Variants in LRRC4C observed in about 807,000 individuals in gnomAD.
The protein encoded by LRRC4C is leucine-rich repeat-containing protein 4C.
Under a neutral mutation model 33.6 loss-of-function variants are expected in LRRC4C, and 5 were observed. That is an observed-to-expected ratio of 0.15 (90% CI 0.08 to 0.31). The LOEUF is 0.31. Ranked by LOEUF, LRRC4C falls within the 10% of genes least tolerant of loss-of-function variation. The pLI is 1.00. For missense variants in LRRC4C, 560 were observed against 796.7 expected (o/e 0.70, Z 3.58); for synonymous variants, 329 against 302.0 (o/e 1.09, Z -0.93).
At chr11:40,276,345 G>A (rs1000814344) in intron 4 of LRRC4C, among the ~76,000 whole-genome samples, 7 of 152,046 alleles carry the variant, frequency 4.6e-5, no homozygotes, top group East Asian at 1.9e-4. Context: ...GCAGTGGTTC[G>A]AATAATATAA....
At chr11:40,179,823 T>G (rs1042217467) in intron 5 of LRRC4C, among the ~76,000 whole-genome samples, 2 of 152,226 alleles carry the variant, frequency 1.3e-5, no homozygotes, top group African/African-American at 2.4e-5. Context: ...AGGAGCTGAA[T>G]GGAAAAGACT....
At chr11:41,180,653 C>G (rs1167017499) in intron 1 of LRRC4C, among the ~76,000 whole-genome samples, 1 of 152,072 alleles carries the variant, frequency 6.6e-6, no homozygotes, top group African/African-American at 2.4e-5. Flanking sequence ...AATGGCCACC[C>G]AATACTGATG....
intron 1 of LRRC4C, among the ~76,000 whole-genome samples, chr11:41,023,455 TA>T (rs1208733008): frequency 6.6e-6 from 1 of 151,752 alleles, no homozygotes; most frequent in African/African-American, 2.4e-5. Context: ...CTCTAAATTA[TA>T]AAAGTTGAAA....
At chr11:41,321,635 C>A (rs2044541) in intron 1 of LRRC4C, among the ~76,000 whole-genome samples, 2 of 151,812 alleles carry the variant, frequency 1.3e-5, no homozygotes, top group South Asian at 4.1e-4. Flanking sequence ...CATGTAGTCC[C>A]AGTAATGAGA....
At chr11:41,208,230 TG>T (rs537395989) in intron 1 of LRRC4C, among the ~76,000 whole-genome samples, 24 of 152,328 alleles carry the variant, frequency 1.6e-4, no homozygotes, top group African/African-American at 5.8e-4. Context: ...TCTAGTGTTT[TG>T]TGGAAGGTGG....
At chr11:41,139,605 A>G (rs1412524647) in intron 1 of LRRC4C, among the ~76,000 whole-genome samples, 1 of 152,222 alleles carries the variant, frequency 6.6e-6, no homozygotes, top group African/African-American at 2.4e-5. Flanking sequence ...AGCACCAAAA[A>G]GTCCATTAAA....
At chr11:40,601,580 C>G (rs1286296232) in intron 3 of LRRC4C, among the ~76,000 whole-genome samples, 1 of 152,176 alleles carries the variant, frequency 6.6e-6, no homozygotes, top group Admixed American at 6.5e-5. Context: ...AAAAATCACT[C>G]AGTTGCACAT....
intron 1 of LRRC4C, among the ~76,000 whole-genome samples, chr11:41,288,674 T>C (rs1949905529): frequency 6.6e-6 from 1 of 152,188 alleles, no homozygotes; most frequent in South Asian, 2.1e-4. Flanking sequence ...CAAATTTACA[T>C]GTCAGAAGTC....
intron 1 of LRRC4C, among the ~76,000 whole-genome samples, chr11:41,047,525 T>A: frequency 6.6e-6 from 1 of 152,038 alleles, no homozygotes; most frequent in Non-Finnish European, 1.5e-5. Flanking sequence ...CTAACAAACT[T>A]TACATATAAA....
At chr11:40,558,481 A>G (rs1957416151) in intron 3 of LRRC4C, among the ~76,000 whole-genome samples, 1 of 152,190 alleles carries the variant, frequency 6.6e-6, no homozygotes, top group Non-Finnish European at 1.5e-5. Context: ...TCTTAATCCC[A>G]GAAGAAAAAT....
chr11:40,356,549 T>C (rs1326331546), intron 3 of LRRC4C, among the ~76,000 whole-genome samples: 1 of 152,186 alleles, frequency 6.6e-6, no homozygotes, highest in East Asian at 1.9e-4. Context: ...CCACTCCTTA[T>C]TAGACAATAA....
intron 3 of LRRC4C, among the ~76,000 whole-genome samples, chr11:40,543,196 T>G (rs1956792600): frequency 1.3e-5 from 2 of 152,096 alleles, no homozygotes; most frequent in African/African-American, 4.8e-5. Context: ...CATTATTTTT[T>G]TTTTCCAGAA....
At chr11:41,289,715 G>T (rs1013561050) in intron 1 of LRRC4C, among the ~76,000 whole-genome samples, 2 of 152,114 alleles carry the variant, frequency 1.3e-5, no homozygotes, top group African/African-American at 4.8e-5. Flanking sequence ...ATACATGTTT[G>T]GTTTTTAAGC....
intron 2 of LRRC4C, among the ~76,000 whole-genome samples, chr11:40,684,251 C>T (rs1944846310): frequency 6.6e-6 from 1 of 151,528 alleles, no homozygotes; most frequent in Admixed American, 6.6e-5. Flanking sequence ...TAAAGTAATT[C>T]AATTTTTGAA....
intron 2 of LRRC4C, among the ~76,000 whole-genome samples, chr11:40,852,344 T>A (rs570897893): frequency 6.6e-6 from 1 of 152,186 alleles, no homozygotes; most frequent in Non-Finnish European, 1.5e-5. Flanking sequence ...TGTGACCTTG[T>A]ATACATCATT....
chr11:40,930,218 A>T (rs940695720), intron 2 of LRRC4C, among the ~76,000 whole-genome samples: 7 of 152,198 alleles, frequency 4.6e-5, no homozygotes, highest in African/African-American at 1.7e-4. Flanking sequence ...GAAAAATACC[A>T]AACCTTTGGC....
intron 3 of LRRC4C, among the ~76,000 whole-genome samples, chr11:40,479,423 A>G (rs12280630): frequency 0.12 from 18,947 of 152,190 alleles, 1,267 homozygotes; most frequent in East Asian, 0.15. Flanking sequence ...AGAGAGGAGA[A>G]GAGTGCCAAT....
At chr11:40,461,523 C>T (rs1337483318) in intron 3 of LRRC4C, among the ~76,000 whole-genome samples, 1 of 151,988 alleles carries the variant, frequency 6.6e-6, no homozygotes, top group Non-Finnish European at 1.5e-5. Flanking sequence ...TAGTGTCTGA[C>T]ACATACTCAG....
chr11:40,743,127 G>A (rs539580015), intron 2 of LRRC4C, among the ~76,000 whole-genome samples: 5 of 152,078 alleles, frequency 3.3e-5, no homozygotes, highest in Non-Finnish European at 7.4e-5. Context: ...TATGAAAATG[G>A]TACATTAGGA....
Sources: gnomAD v4.1 joint callset for allele counts (sites outside exome capture counted in the v4.1 genomes callset) on GRCh38, gnomAD v4.1.1 for gene constraint, MANE v1.5 for transcripts, NCBI Gene and HGNC (gene_info 2026-07-23, HGNC 2026-07-21) for gene names.